ABCA13: variants seen among roughly 807,000 people sequenced by gnomAD.
The protein encoded by ABCA13 is ATP-binding cassette sub-family A member 13.
In ABCA13, 476 loss-of-function variants were observed where a neutral mutation model predicts 478.7. That is an observed-to-expected ratio of 0.99 (90% CI 0.92 to 1.07). ABCA13 has a LOEUF of 1.07. ABCA13 is among the 50% of genes least tolerant of loss of function. The pLI is 0.00. For missense variants in ABCA13, 6,060 were observed against 5,910.6 expected (o/e 1.03, Z -0.83); for synonymous variants, 2,252 against 2,158.9 (o/e 1.04, Z -1.20).
intron 3 of ABCA13, among the ~76,000 whole-genome samples, chr7:48,205,296 G>A (rs1784786186): frequency 6.6e-6 from 1 of 151,570 alleles, no homozygotes; most frequent in Admixed American, 6.6e-5. Flanking sequence ...GTCTATGTAT[G>A]GTGAAGGTAA....
intron 15 of ABCA13, among the ~76,000 whole-genome samples, chr7:48,265,093 TATA>T (rs1489671633): frequency 1.3e-5 from 2 of 151,744 alleles, no homozygotes; most frequent in Non-Finnish European, 3.0e-5. Flanking sequence ...AAAGTAGTTG[TATA>T]AATAAGTGGG....
At chr7:48,522,375 A>G (rs1832608364) in intron 53 of ABCA13, among the ~76,000 whole-genome samples, 1 of 152,024 alleles carries the variant, frequency 6.6e-6, no homozygotes, top group Non-Finnish European at 1.5e-5. Flanking sequence ...TTTGCCATGA[A>G]TTCAGGTTTC....
chr7:48,614,603 C>T (rs1447928819), intron 58 of ABCA13, among the ~76,000 whole-genome samples: 1 of 150,808 alleles, frequency 6.6e-6, no homozygotes, highest in Non-Finnish European at 1.5e-5. Flanking sequence ...TATTGTGGCA[C>T]TGTTCACAAT....
At chr7:48,185,331 A>G (rs963899544) in intron 1 of ABCA13, among the ~76,000 whole-genome samples, 28 of 152,242 alleles carry the variant, frequency 1.8e-4, no homozygotes, top group Non-Finnish European at 2.8e-4. Context: ...GCTTTGTTAT[A>G]TGAAAGGACA....
chr7:48,555,145 G>A (rs1363146535), intron 55 of ABCA13, among the ~76,000 whole-genome samples: 1 of 151,772 alleles, frequency 6.6e-6, no homozygotes, highest in Admixed American at 6.6e-5. Flanking sequence ...TGATTGATTT[G>A]TATATGTTGA....
intron 15 of ABCA13, among the ~76,000 whole-genome samples, chr7:48,266,484 T>A (rs926299047): frequency 6.6e-6 from 1 of 151,762 alleles, no homozygotes; most frequent in Non-Finnish European, 1.5e-5. Context: ...TTTAGTATCA[T>A]AAGGATTTTT....
rs1474549234 is a variant in ABCA13 at position 48,352,121 on chromosome 7, C to T, written c.10382-60C>T. 14 of 1,497,990 alleles carry T rather than the reference C, an allele frequency of 9.3e-6. 1 individual carries two copies. Among genetic ancestry groups the T allele is most frequent in the African/African-American group, 8.4e-5 (6 of 71,804 alleles). The allele number at this position is 1,497,990 out of a possible 1,614,324, so 92.8% of individuals were successfully genotyped here. On this transcript the variant is annotated intron_variant, in intron 30 of 61. Transcript: ENST00000435803. ...CTTTTCCTGTCTCACCCAGTGTAGGCGTGGTTTGAGCCACTCCCTACAGTG... is the reference window on the plus strand; with the variant it reads ...CTTTTCCTGTCTCACCCAGTGTAGGTGTGGTTTGAGCCACTCCCTACAGTG...
rs567846781 is a variant in ABCA13, at chr7:48,552,523, T to C, written c.14354+24178T>C. 2.6e-5 allele frequency among the ~76,000 whole-genome samples: 4 copies of C among 151,798 alleles called. No individual in the cohort carries two copies. In the East Asian group the frequency reaches 7.7e-4, roughly 29 times the overall value. The stretch of plus-strand genomic sequence containing the variant: ...GAAATGTATAGGTCTTAGTTCAGTC[T>C]TGGTTTTTAGCAAGGTTTTACTTTG... On this transcript the variant is annotated intron_variant, in intron 55 of 61. Coordinates refer to ENST00000435803, the MANE Select transcript of ABCA13 (RefSeq NM_152701.5).
chr7:48,514,309 A>G (rs1301394740), intron 51 of ABCA13, among the ~76,000 whole-genome samples: 2 of 152,192 alleles, frequency 1.3e-5, no homozygotes, highest in Admixed American at 6.5e-5. Context: ...AATTTAACAG[A>G]GAGAGCTGGT....
rs753699907 is a variant in ABCA13, at chr7:48,275,247, C to A, written c.5581C>A (p.His1861Asn). Reference sequence around the variant, plus strand: ...TGGCAAAGTGGCCAGTATACTTGATCATTTCCACCTGTCTCCCCAAGGTGA... The same window carrying A: ...TGGCAAAGTGGCCAGTATACTTGATAATTTCCACCTGTCTCCCCAAGGTGA... ...FYGKVASILD[H>N]FHLSPQGEDS... The change falls in exon 17 of 62, where the codon CAT becomes AAT. Residue 1861 changes from histidine to asparagine, a missense_variant. This residue lies in a region of ABCA13 where 4,423 missense variants were observed against 4,309.1 expected (regional missense o/e 1.03). Coordinates refer to ENST00000435803, the MANE Select transcript of ABCA13 (RefSeq NM_152701.5). 1.2e-6 allele frequency: 2 copies of A among 1,613,872 alleles called. No homozygotes were observed. The highest frequency in any genetic ancestry group is 2.2e-5 in the South Asian group (2 of 91,070).
chr7:48,578,844 T>G (rs999347985), intron 55 of ABCA13, among the ~76,000 whole-genome samples: 2 of 152,106 alleles, frequency 1.3e-5, no homozygotes, highest in Non-Finnish European at 2.9e-5. Flanking sequence ...ATCAATACAG[T>G]CAACTGATAT....
intron 45 of ABCA13, among the ~76,000 whole-genome samples, chr7:48,475,452 A>T (rs1484375876): frequency 6.7e-6 from 1 of 148,460 alleles, no homozygotes. Context: ...AGAGCATGTC[A>T]ATTTAATTTT....
chr7:48,471,602 A>G lies in ABCA13; in HGVS notation c.12975+3A>G, dbSNP rs1189646993. The G allele has an allele frequency of 3.9e-6, 6 of 1,558,252 alleles. No homozygotes were observed. Among genetic ancestry groups the G allele is most frequent in the Non-Finnish European group, 5.2e-6 (6 of 1,149,628 alleles). Reference sequence around the variant, plus strand: ...TCCAGGATTCATGTGGCTGCCTGGTAGGTTTCTGCAGCATTTTTGATCTTT... The same window carrying G: ...TCCAGGATTCATGTGGCTGCCTGGTGGGTTTCTGCAGCATTTTTGATCTTT... On this transcript the variant is annotated splice_donor_region_variant and intron_variant, in intron 45 of 61. Transcript: ENST00000435803.
intron 35 of ABCA13, among the ~76,000 whole-genome samples, chr7:48,377,072 A>G (rs1203730207): frequency 6.6e-6 from 1 of 152,008 alleles, no homozygotes; most frequent in Non-Finnish European, 1.5e-5. Flanking sequence ...GTGAGGGGCC[A>G]TGTCCAACCA....
intron 58 of ABCA13, among the ~76,000 whole-genome samples, chr7:48,613,304 T>C (rs1428361977): frequency 6.6e-6 from 1 of 152,054 alleles, no homozygotes; most frequent in Non-Finnish European, 1.5e-5. Flanking sequence ...TTCTCCTGCC[T>C]CAGCCTCTTG....
chr7:48,516,322 C>T (rs754030595), intron 51 of ABCA13, among the ~76,000 whole-genome samples: 8 of 152,268 alleles, frequency 5.3e-5, no homozygotes, highest in Admixed American at 2.6e-4. Flanking sequence ...CTGTCTTGCT[C>T]TATCCCATCA....
intron 55 of ABCA13, among the ~76,000 whole-genome samples, chr7:48,539,470 T>C (rs12112361): frequency 0.14 from 21,226 of 152,090 alleles, 1,867 homozygotes; most frequent in African/African-American, 0.23. Flanking sequence ...ATTTGGCTAC[T>C]CAGAGGTACA....
chr7:48,281,781 A>G (rs778449347), intron 19 of ABCA13, among the ~76,000 whole-genome samples: 9 of 152,216 alleles, frequency 5.9e-5, no homozygotes, highest in Non-Finnish European at 1.2e-4. Flanking sequence ...CTTGTCCAGA[A>G]GTGTTCCCCC....
At chr7:48,376,594 A>AGAT in intron 35 of ABCA13, 22 bp downstream of exon 35, 2 of 1,610,180 alleles carry the variant, frequency 1.2e-6, no homozygotes, top group Non-Finnish European at 8.5e-7. Flanking sequence ...GCCTTTTGTA[A>AGAT]GATAACACAA....
Sources: gnomAD v4.1 joint callset for allele counts (sites outside exome capture counted in the v4.1 genomes callset) on GRCh38, gnomAD v4.1.1 for gene constraint, gnomAD v4.1.1 regional missense constraint, MANE v1.5 for transcripts, NCBI Gene and HGNC (gene_info 2026-07-23, HGNC 2026-07-21) for gene names.